The following IGFN1 variants were observed in gnomAD, a reference collection of about 807,000 sequenced individuals.
IGFN1 encodes the protein immunoglobulin like and fibronectin type III domain containing 1.
A neutral mutation model predicts 289.5 loss-of-function variants in IGFN1; 253 were observed. The observed-to-expected ratio is 0.87, with a 90% confidence interval of 0.79 to 0.97. IGFN1 has a LOEUF of 0.97. IGFN1 is among the 50% of genes least tolerant of loss of function. IGFN1 has a pLI of 0.00. For synonymous variants in IGFN1, 1,706 were observed against 1,788.5 expected (o/e 0.95, Z 1.16); for missense variants, 4,470 against 4,686.1 (o/e 0.95, Z 1.35).
intron 19 of IGFN1, 178 bp from the exon 20 acceptor site, chr1:201,222,561 C>T: frequency 1.9e-6 from 1 of 519,478 alleles, no homozygotes; most frequent in Non-Finnish European, 3.5e-6. Flanking sequence ...CCTGGGGTCT[C>T]CCCTGAAGAT....
In IGFN1 at chr1:201,207,000, G is replaced by T. The variant is rs1439206584; in HGVS notation, c.2107G>T (p.Ala703Ser). Reference sequence around the variant, plus strand: ...CTGGGGTTCTCAGGGAGGTAGAGATGCTGACTATGGGGAAGCCAGGGGCTA... The same window carrying T: ...CTGGGGTTCTCAGGGAGGTAGAGATTCTGACTATGGGGAAGCCAGGGGCTA... ...ESWGSQGGRD[A>S]DYGEARGYWG... is the part of the protein sequence containing the mutation. Residue 703 changes from alanine to serine, a missense_variant, in exon 12 of 24, where the codon GCT (alanine) becomes TCT (serine). Transcript: ENST00000335211. The T allele has an allele frequency of 3.3e-6, 5 of 1,536,368 alleles. No individual in the cohort carries two copies. In the Admixed American group the frequency reaches 9.8e-5, roughly 30 times the overall value.
rs1321778026 is a variant in IGFN1 at position 201,206,165 on chromosome 1, G to C, written c.1272G>C (p.Glu424Asp). 1.3e-6 allele frequency: 2 copies of C among 1,550,750 alleles called. No individual in the cohort carries two copies. Among genetic ancestry groups the C allele is most frequent in the Non-Finnish European group, 1.7e-6 (2 of 1,146,898 alleles). The change falls in exon 12 of 24, where the codon GAG becomes GAC. Residue 424 changes from glutamate (E) to aspartate (D), a missense_variant. Coordinates refer to ENST00000335211, the MANE Select transcript of IGFN1 (RefSeq NM_001164586.2). ...RQGAQASGAEESGSIESQGEK... is the reference protein window; with the variant it reads ...RQGAQASGAEDSGSIESQGEK... ...GAGCCCAGGCATCAGGAGCAGAAGAGTCTGGGAGCATCGAGAGCCAGGGAG... is the reference window on the plus strand; with the variant it reads ...GAGCCCAGGCATCAGGAGCAGAAGACTCTGGGAGCATCGAGAGCCAGGGAG...
Position 201,208,093 on chromosome 1 carries a change from C to T in IGFN1, c.3200C>T (p.Pro1067Leu). Reference protein sequence around the residue: ...WASACQAGMDPRGGHHSDGGL... With the variant: ...WASACQAGMDLRGGHHSDGGL... ...TCTGCATGCCAGGCAGGCATGGACC[C>T]TAGGGGAGGGCACCATTCAGATGGT... The change falls in exon 12 of 24, where the codon CCT becomes CTT. Residue 1067 changes from proline (P) to leucine (L), a missense_variant. By Grantham distance (98) the Pro-to-Leu change is moderately conservative. Transcript: ENST00000335211. 6.5e-7 allele frequency: 1 copy of T among 1,536,842 alleles called. No individual in the cohort carries two copies. The highest frequency in any genetic ancestry group is 8.7e-7 in the Non-Finnish European group (1 of 1,146,784).
chr1:201,198,894 G>A (rs1272735564), intron 5 of IGFN1, among the ~76,000 whole-genome samples: 2 of 152,198 alleles, frequency 1.3e-5, no homozygotes, highest in Non-Finnish European at 2.9e-5. Flanking sequence ...AATACAAATG[G>A]CTGCAGGATT....
chr1:201,200,376 G>A lies in IGFN1; in HGVS notation c.598G>A (p.Glu200Lys). 1 of 1,551,766 alleles carries A rather than the reference G, an allele frequency of 6.4e-7. No homozygotes were observed. The highest frequency in any genetic ancestry group is 8.7e-7 in the Non-Finnish European group (1 of 1,147,020). ...DYRGMLRRLQ[E>K]MKKEQEDKMA... ...CCGTGGCATGTTGCGCAGGCTGCAG[G>A]AGATGAAGAAGGAACAGGAGGACAA... is the stretch of plus-strand genomic sequence containing the variant. The change falls in exon 8 of 24, where the codon GAG becomes AAG. Residue 200 changes from glutamate (E) to lysine (K), a missense_variant. Glu to Lys is a moderately conservative substitution (Grantham distance 56). Transcript: ENST00000335211.
At position 201,212,303 on chromosome 1, in the gene IGFN1, T is replaced by C. The variant is rs1667857022; in HGVS notation, c.7410T>C (p.Tyr2470=). Residue 2470 remains tyrosine, a synonymous_variant, in exon 12 of 24, where the codon TAT becomes TAC. Transcript: ENST00000335211. The part of the protein sequence containing the change: ...ERGSTKDLGG[Y]GTSGIPEASE... ...GCTCCACCAAAGATCTTGGGGGCTA[T>C]GGAACTTCAGGGATCCCTGAGGCCT... The C allele has an allele frequency of 1.3e-6, 2 of 1,536,396 alleles. No individual in the cohort carries two copies. The highest frequency in any genetic ancestry group is 2.0e-5 in the Admixed American group (1 of 50,946).
chr1:201,198,337 C>T (rs1056414366), intron 5 of IGFN1, among the ~76,000 whole-genome samples: 1 of 152,134 alleles, frequency 6.6e-6, no homozygotes, highest in African/African-American at 2.4e-5. Flanking sequence ...GGTTTCACCA[C>T]GTTGGCCAGG....
In IGFN1 at chr1:201,194,200, G is replaced by A. The variant is rs369077755; in HGVS notation, c.54G>A (p.Leu18=). The change falls in exon 3 of 24, where the codon CTG becomes CTA. Residue 18 remains leucine, a synonymous_variant. Coordinates refer to ENST00000335211, the MANE Select transcript of IGFN1 (RefSeq NM_001164586.2). ...SHIPGVSIWQ[L]VEEIPEGCST... ...TCCCTGGAGTGAGCATCTGGCAGCT[G>A]GTGGAGGAGATCCCTGAAGGCTGCA... is the stretch of plus-strand genomic sequence containing the variant. 2.6e-6 allele frequency: 4 copies of A among 1,551,522 alleles called. No individual in the cohort carries two copies. The highest frequency in any genetic ancestry group is 2.7e-5 in the African/African-American group (2 of 73,028).
rs1241796986 is a variant in IGFN1 at position 201,197,308 on chromosome 1, G to A, written c.358G>A (p.Val120Ile). The part of the protein sequence containing the change: ...GEAACSVRLT[V>I]IEVGFRKNRK... ...GGCCGCTTGCTCAGTGAGACTCACT[G>A]TCATCGAAGGTGGGCTTTTCCCTGA... Residue 120 changes from valine (V) to isoleucine (I), a missense_variant, in exon 5 of 24, where the codon GTC (valine) becomes ATC (isoleucine). By Grantham distance (29) the Val-to-Ile change is conservative. Coordinates refer to ENST00000335211, the MANE Select transcript of IGFN1 (RefSeq NM_001164586.2). 7 of 1,544,268 alleles carry A rather than the reference G, an allele frequency of 4.5e-6. No individual in the cohort carries two copies. The highest frequency in any genetic ancestry group is 2.4e-5 in the East Asian group (1 of 40,884).
At chr1:201,225,771 G>A (rs1654039442) in intron 21 of IGFN1, 53 bp from the exon 22 acceptor site, 3 of 1,492,528 alleles carry the variant, frequency 2.0e-6, no homozygotes, top group Admixed American at 4.1e-5. Flanking sequence ...GGGGCTGGTA[G>A]CAGCCCTGCT....
At chr1:201,195,128 A>G (rs987091934) in intron 3 of IGFN1, among the ~76,000 whole-genome samples, 2 of 151,510 alleles carry the variant, frequency 1.3e-5, no homozygotes, top group Non-Finnish European at 3.0e-5. Context: ...GAGAGTAGGA[A>G]GGGAAGCCAG....
In IGFN1 at chr1:201,213,066, C is replaced by T; in HGVS notation, c.8173C>T (p.Leu2725Phe). 6.4e-7 allele frequency: 1 copy of T among 1,551,616 alleles called. No homozygotes were observed. The change falls in exon 12 of 24, where the codon CTC becomes TTC. Residue 2725 changes from leucine (L) to phenylalanine (F), a missense_variant. Around this residue, in one of 8 missense-constraint regions of IGFN1, gnomAD observed 2,218 missense variants for 2,114.1 expected, o/e 1.05. Coordinates refer to ENST00000335211, the MANE Select transcript of IGFN1 (RefSeq NM_001164586.2). ...KGNSTEWGNALTPKPGESGPQ... is the reference protein window; with the variant it reads ...KGNSTEWGNAFTPKPGESGPQ... ...GAATTCTACTGAGTGGGGGAATGCC[C>T]TCACCCCAAAACCTGGGGAGTCCGG...
chr1:201,208,640 G>C lies in IGFN1; in HGVS notation c.3747G>C (p.Glu1249Asp). 6.5e-7 allele frequency: 1 copy of C among 1,533,142 alleles called. No homozygotes were observed. Among genetic ancestry groups the C allele is most frequent in the Non-Finnish European group, 8.7e-7 (1 of 1,145,090 alleles). 95.0% of individuals were successfully genotyped at this position (1,533,142 alleles called of 1,614,324 possible). Reference sequence around the variant, plus strand: ...CTAGGAGTACAGGGCCAGGGGGTGAGGCAGGCTTTAGAGATGGTTCAGGAG... The same window carrying C: ...CTAGGAGTACAGGGCCAGGGGGTGACGCAGGCTTTAGAGATGGTTCAGGAG... Reference protein sequence around the residue: ...LGPRSTGPGGEAGFRDGSGGL... With the variant: ...LGPRSTGPGGDAGFRDGSGGL... Residue 1249 changes from glutamate (E) to aspartate (D), a missense_variant, in exon 12 of 24, where the codon GAG becomes GAC. Glu to Asp is a conservative substitution (Grantham distance 45). This residue lies in a region of IGFN1 where 2,011 missense variants were observed against 1,953.4 expected (regional missense o/e 1.03). Coordinates refer to ENST00000335211, the MANE Select transcript of IGFN1 (RefSeq NM_001164586.2).
At chr1:201,225,296 G>A (rs1654003877) in intron 21 of IGFN1, among the ~76,000 whole-genome samples, 1 of 152,224 alleles carries the variant, frequency 6.6e-6, no homozygotes, top group Admixed American at 6.5e-5. Context: ...ATCCAGAAAT[G>A]ATCAAATAGA....
chr1:201,206,093 T>C lies in IGFN1; in HGVS notation c.1200T>C (p.Asp400=). 6.5e-7 allele frequency: 1 copy of C among 1,548,652 alleles called. No homozygotes were observed. Among genetic ancestry groups the C allele is most frequent in the Non-Finnish European group, 8.7e-7 (1 of 1,145,190 alleles). ...AACCCCTCACTGAAGCTGGGAAGGA[T>C]AAAGACCTTCAGTCCACAAGTGCTG... ...SAWLVVEAGK[D]KDLQSTSADH... Residue 400 remains aspartate (D), a synonymous_variant, in exon 12 of 24, where the codon GAT becomes GAC. Coordinates refer to ENST00000335211, the MANE Select transcript of IGFN1 (RefSeq NM_001164586.2).
rs773343563 is a variant in IGFN1 at position 201,194,188 on chromosome 1, C to G, written c.42C>G (p.Ser14Arg). 3.2e-6 allele frequency: 5 copies of G among 1,551,530 alleles called. No homozygotes were observed. Among genetic ancestry groups the G allele is most frequent in the Non-Finnish European group, 4.4e-6 (5 of 1,146,958 alleles). The change falls in exon 3 of 24, where the codon AGC becomes AGG. Residue 14 changes from serine (S) to arginine (R), a missense_variant. Ser to Arg is a moderately radical substitution (Grantham distance 110, BLOSUM62 -1). Transcript: ENST00000335211. ...KLRKSHIPGVSIWQLVEEIPE... is the reference protein window; with the variant it reads ...KLRKSHIPGVRIWQLVEEIPE... ...GGAAGTCCCACATCCCTGGAGTGAGCATCTGGCAGCTGGTGGAGGAGATCC... is the reference window on the plus strand; with the variant it reads ...GGAAGTCCCACATCCCTGGAGTGAGGATCTGGCAGCTGGTGGAGGAGATCC...
intron 23 of IGFN1, 28 bp downstream of exon 23, chr1:201,227,236 C>T: frequency 1.3e-6 from 2 of 1,522,392 alleles, no homozygotes; most frequent in Non-Finnish European, 8.9e-7. Context: ...GGCAGTGGGG[C>T]AGGAAGGAGA....
At chr1:201,224,192 A>G (rs1389149362) in intron 20 of IGFN1, among the ~76,000 whole-genome samples, 1 of 152,168 alleles carries the variant, frequency 6.6e-6, no homozygotes, top group East Asian at 1.9e-4. Flanking sequence ...CAAGGCCAGG[A>G]CACCGCAATC....
Position 201,208,273 on chromosome 1 carries a change from T to C in IGFN1, c.3380T>C (p.Phe1127Ser), listed in dbSNP as rs150982923. The stretch of plus-strand genomic sequence containing the variant: ...GGTCAGACTGGAAATTATGGGGGCT[T>C]CAGAGCCTCAGAGGCCCTGGGGGCC... ...PWGQTGNYGG[F>S]RASEALGAFG... Residue 1127 changes from phenylalanine (F) to serine (S), a missense_variant, in exon 12 of 24, where the codon TTC becomes TCC. Physicochemically the swap from Phe to Ser is radical, Grantham distance 155. Coordinates refer to ENST00000335211, the MANE Select transcript of IGFN1 (RefSeq NM_001164586.2). 745 of 1,535,254 alleles carry C rather than the reference T, an allele frequency of 4.9e-4. 2 individuals carry two copies. Among genetic ancestry groups the C allele is most frequent in the Non-Finnish European group, 6.1e-4 (698 of 1,146,510 alleles).
Sources: gnomAD v4.1 joint callset for allele counts (sites outside exome capture counted in the v4.1 genomes callset) on GRCh38, gnomAD v4.1.1 for gene constraint, gnomAD v4.1.1 regional missense constraint, MANE v1.5 for transcripts, NCBI Gene and HGNC (gene_info 2026-07-23, HGNC 2026-07-21) for gene names.